Variants in MR1 observed in about 807,000 individuals in gnomAD.
MR1 encodes major histocompatibility complex class I-related protein 1.
In MR1, 44 loss-of-function variants were observed where a neutral mutation model predicts 37.8. The ratio of observed to expected loss-of-function variants is 1.16; its 90% confidence interval spans 0.91 to 1.50. The LOEUF is 1.50. Ranked by LOEUF, MR1 falls within the 40% of genes most tolerant of loss-of-function variation. MR1 has a pLI of 0.00. For missense variants in MR1, 386 were observed against 419.1 expected, an observed-to-expected ratio of 0.92 and a Z score of 0.69; for synonymous variants, 153 against 155.8, an observed-to-expected ratio of 0.98 and a Z score of 0.13.
At chr1:181,049,895 T>TG (rs1658199802) in intron 2 of MR1, 116 bp from the exon 3 acceptor site, 6 of 1,235,572 alleles carry the variant, frequency 4.9e-6, no homozygotes, top group Non-Finnish European at 6.8e-6. Flanking sequence ...ATGGCAGGCC[T>TG]GGGGGGTGAC....
chr1:181,050,428 C>T (rs1458656862), intron 3 of MR1, 142 bp downstream of exon 3: 21 of 1,068,452 alleles, frequency 2.0e-5, no homozygotes, highest in Non-Finnish European at 2.8e-5. Flanking sequence ...CTAGAGCCCC[C>T]ACGAAAACTT....
intron 1 of MR1, among the ~76,000 whole-genome samples, chr1:181,041,208 G>C (rs1657536999): frequency 4.6e-5 from 7 of 152,128 alleles, no homozygotes; most frequent in Admixed American, 4.6e-4. Context: ...GCAAATTCTT[G>C]TGAAAATTAC....
chr1:181,049,406 C>T (rs1658158097), intron 2 of MR1, 94 bp downstream of exon 2: 3 of 1,428,204 alleles, frequency 2.1e-6, no homozygotes, highest in Non-Finnish European at 2.8e-6. Context: ...CTGAATTGCA[C>T]CTGCTGTAGC....
In MR1 at chr1:181,055,331, G is replaced by T; in HGVS notation, c.*66G>T. The T allele has an allele frequency of 1.4e-6, 2 of 1,453,924 alleles. No homozygotes were observed. The highest frequency in any genetic ancestry group is 1.9e-6 in the Non-Finnish European group (2 of 1,037,480). 90.1% of individuals were successfully genotyped at this position (1,453,924 alleles called of 1,614,324 possible). A position where few individuals can be genotyped will look rare whatever the true frequency, so the allele number is the denominator to read the frequency against. Reference sequence around the variant, plus strand: ...CATGTTATCCTCTGTCCCCCATAGAGTCAAGCCTAGTGCTTGAAGGTCCTG... The same window carrying T: ...CATGTTATCCTCTGTCCCCCATAGATTCAAGCCTAGTGCTTGAAGGTCCTG... On this transcript the variant is annotated 3_prime_UTR_variant, in exon 6 of 6. Transcript: ENST00000367580.
intron 1 of MR1, among the ~76,000 whole-genome samples, chr1:181,046,888 G>T (rs1243287599): frequency 2.6e-5 from 4 of 151,976 alleles, no homozygotes; most frequent in Non-Finnish European, 4.4e-5. Context: ...GCGAAGGTCT[G>T]CAGCTTCACT....
intron 4 of MR1, 69 bp from the exon 5 acceptor site, chr1:181,053,504 A>C: frequency 1.6e-6 from 2 of 1,217,260 alleles, no homozygotes; most frequent in Non-Finnish European, 2.4e-6. Context: ...CACAGGGACA[A>C]AAGTCCCAGA....
intron 1 of MR1, among the ~76,000 whole-genome samples, chr1:181,035,960 T>C (rs1657246877): frequency 6.6e-6 from 1 of 152,166 alleles, no homozygotes; most frequent in Non-Finnish European, 1.5e-5. Flanking sequence ...TCTGTTCTGT[T>C]CTGTGTCCTT....
At chr1:181,033,897 C>A, upstream of MR1, 2 of 736,682 alleles carry the variant, frequency 2.7e-6, no homozygotes, top group Non-Finnish European at 4.3e-6. Context: ...CAACTGATGA[C>A]ACTGCATATC....
chr1:181,048,383 A>G (rs1047429953), intron 1 of MR1, among the ~76,000 whole-genome samples: 12 of 151,840 alleles, frequency 7.9e-5, no homozygotes, highest in Non-Finnish European at 1.5e-4. Context: ...AAACTACAAA[A>G]AATTAGCCAG....
At position 181,053,590 on chromosome 1, in the gene MR1, CT is replaced by C. The variant is rs1658442903; in HGVS notation, c.900del (p.Val301Ter). The C allele has an allele frequency of 6.2e-7, 1 of 1,613,622 alleles. No individual in the cohort carries two copies. ...GCTTTCAGAATCAGAAACTATCCCT[CT>C]TGTGATGAAAGCTGTCTCTGGGTCC... ...QVPQESETIP[L>X]VMKAVSGSIV... On this transcript the variant is annotated frameshift_variant, in exon 5 of 6. Coordinates refer to ENST00000367580, the MANE Select transcript of MR1 (RefSeq NM_001385161.1). LOFTEE classifies it high-confidence loss of function.
intron 1 of MR1, among the ~76,000 whole-genome samples, chr1:181,047,723 CCA>C: frequency 6.7e-6 from 1 of 150,236 alleles, no homozygotes. Flanking sequence ...TGGTGAAACC[CCA>C]TCTCTACTTT....
chr1:181,048,608 G>A (rs770479085), intron 1 of MR1, among the ~76,000 whole-genome samples: 1 of 152,170 alleles, frequency 6.6e-6, no homozygotes, highest in Non-Finnish European at 1.5e-5. Context: ...ACACAGAGGT[G>A]GAGTGGGGGT....
intron 1 of MR1, among the ~76,000 whole-genome samples, chr1:181,043,211 A>G (rs1458323629): frequency 1.3e-5 from 2 of 152,192 alleles, no homozygotes; most frequent in Non-Finnish European, 2.9e-5. Flanking sequence ...CACCACAGGA[A>G]GGGAAGGGGG....
intron 1 of MR1, among the ~76,000 whole-genome samples, chr1:181,047,508 A>G (rs1352454946): frequency 2.0e-5 from 3 of 152,238 alleles, no homozygotes; most frequent in Non-Finnish European, 4.4e-5. Flanking sequence ...CTGAGGCAGG[A>G]GAATCACTTG....
chr1:181,055,358 C>T lies in MR1; in HGVS notation c.*93C>T, dbSNP rs532015047. The T allele has an allele frequency of 2.1e-5, 24 of 1,130,736 alleles. No homozygotes were observed. The highest frequency in any genetic ancestry group is 1.1e-4 in the African/African-American group (7 of 64,332). The allele number at this position is 1,130,736 out of a possible 1,614,324, so 70.0% of individuals were successfully genotyped here. A position where few individuals can be genotyped will look rare whatever the true frequency, so the allele number is the denominator to read the frequency against. The stretch of plus-strand genomic sequence containing the variant: ...CAAGCCTAGTGCTTGAAGGTCCTGA[C>T]GACACCCACAACATACATGAGAGTA... On this transcript the variant is annotated 3_prime_UTR_variant, in exon 6 of 6. Transcript: ENST00000367580.
At position 181,053,570 on chromosome 1, in the gene MR1, C is replaced by G; in HGVS notation, c.881-3C>G. 6.2e-7 allele frequency: 1 copy of G among 1,610,240 alleles called. No homozygotes were observed. Among genetic ancestry groups the G allele is most frequent in the Non-Finnish European group, 8.5e-7 (1 of 1,176,680 alleles). ...GGATTTTTTCTCATTTGCTTGCTTT[C>G]AGAATCAGAAACTATCCCTCTTGTG... On this transcript the variant is annotated splice_region_variant and splice_polypyrimidine_tract_variant and intron_variant, in intron 4 of 5. Transcript: ENST00000367580.
intron 1 of MR1, among the ~76,000 whole-genome samples, chr1:181,045,912 G>C (rs1470036502): frequency 6.6e-6 from 1 of 152,244 alleles, no homozygotes; most frequent in Non-Finnish European, 1.5e-5. Context: ...TGGGCTTGGC[G>C]GGCCCTGCAC....
rs193281408 is a variant in MR1 at position 181,058,867 on chromosome 1, C to T, written c.*3602C>T. The T allele has an allele frequency of 6.6e-6, 1 of 152,346 alleles. No individual in the cohort carries two copies. The highest frequency in any genetic ancestry group is 1.9e-4 in the East Asian group (1 of 5,184). The allele number at this position is 152,346 out of a possible 1,614,324, so 9.4% of individuals were successfully genotyped here. A position where few individuals can be genotyped will look rare whatever the true frequency, so the allele number is the denominator to read the frequency against. ...CACAATTGCTAAGTGGGTCAGATAT[C>T]TGTCTCAGCTGGTCAGTACACCTTC... is the stretch of plus-strand genomic sequence containing the variant. On this transcript the variant is annotated 3_prime_UTR_variant, in exon 6 of 6. Coordinates refer to ENST00000367580, the MANE Select transcript of MR1 (RefSeq NM_001385161.1).
intron 1 of MR1, among the ~76,000 whole-genome samples, chr1:181,042,927 T>G (rs574971747): frequency 6.6e-6 from 1 of 152,186 alleles, no homozygotes; most frequent in African/African-American, 2.4e-5. Flanking sequence ...GCTACTACCA[T>G]GTGCCAAGCT....
Sources: allele counts gnomAD v4.1 joint callset (sites outside exome capture counted in the v4.1 genomes callset), GRCh38; gene constraint gnomAD v4.1.1; transcripts MANE v1.5; gene names NCBI Gene and HGNC (gene_info 2026-07-23, HGNC 2026-07-21).